FLT3: variants seen among roughly 807,000 people sequenced by gnomAD.
FLT3 encodes the protein receptor-type tyrosine-protein kinase FLT3.
A neutral mutation model predicts 126.6 loss-of-function variants in FLT3; 46 were observed. That is an observed-to-expected ratio of 0.36 (90% CI 0.29 to 0.46). The LOEUF (loss-of-function observed/expected upper bound fraction) is 0.46. Ranked by LOEUF, FLT3 falls within the 20% of genes least tolerant of loss-of-function variation. The pLI is 1.00. For synonymous variants in FLT3, 404 were observed against 434.4 expected (o/e 0.93, Z 0.87); for missense variants, 1,069 against 1,190.3 (o/e 0.90, Z 1.50).
intron 4 of FLT3, among the ~76,000 whole-genome samples, chr13:28,054,945 G>C (rs1286286064): frequency 1.3e-5 from 2 of 152,014 alleles, no homozygotes; most frequent in African/African-American, 2.4e-5. Flanking sequence ...CATTTTGTTC[G>C]TTTTTCTTAT....
chr13:28,010,473 A>G (rs1257979595), intron 23 of FLT3, among the ~76,000 whole-genome samples: 1 of 152,236 alleles, frequency 6.6e-6, no homozygotes, highest in Non-Finnish European at 1.5e-5. Flanking sequence ...TGCAGAGCAC[A>G]GAATATTTGA....
intron 19 of FLT3, among the ~76,000 whole-genome samples, chr13:28,020,883 A>G (rs577730636): frequency 6.6e-6 from 1 of 152,276 alleles, no homozygotes; most frequent in African/African-American, 2.4e-5. Flanking sequence ...GGACAGTGAC[A>G]CGCATGATTC....
At chr13:28,059,958 CAATAAATAAATAAATA>C (rs10523017) in intron 3 of FLT3, among the ~76,000 whole-genome samples, 137,866 of 148,174 alleles carry the variant, frequency 0.93, 64,299 homozygotes, top group Non-Finnish European at 0.96. Context: ...GACTCTGCCT[CAATAAATAAATAAATA>C]AATAAATAAA....
chr13:28,054,352 C>T (rs191758245), intron 4 of FLT3, among the ~76,000 whole-genome samples: 37 of 151,956 alleles, frequency 2.4e-4, no homozygotes, highest in African/African-American at 8.0e-4. Context: ...AATTGGGAGT[C>T]CATTAGGCTG....
At chr13:28,025,952 T>C (rs1472297496) in intron 17 of FLT3, among the ~76,000 whole-genome samples, 1 of 152,038 alleles carries the variant, frequency 6.6e-6, no homozygotes, top group Non-Finnish European at 1.5e-5. Flanking sequence ...AAGCCGGGAC[T>C]CTCAAATGTA....
chr13:28,004,235 G>T, intron 23 of FLT3, 61 bp from the exon 24 acceptor site: 1 of 1,516,850 alleles, frequency 6.6e-7, no homozygotes, highest in Non-Finnish European at 9.1e-7. Context: ...CATGTTATGC[G>T]CCCATATTAC....
intron 18 of FLT3, 130 bp from the exon 19 acceptor site, chr13:28,023,607 C>A: frequency 1.0e-6 from 1 of 988,138 alleles, no homozygotes; most frequent in Non-Finnish European, 1.5e-6. Flanking sequence ...ATTATCTTCC[C>A]GGCAGCATTA....
rs1327768681 is a variant in FLT3 at position 28,014,512 on chromosome 13, C to T, written c.2799G>A (p.Arg933=). The change falls in exon 23 of 24, where the codon CGG becomes CGA. Residue 933 remains arginine (R), a synonymous_variant. Coordinates refer to ENST00000241453, the MANE Select transcript of FLT3 (RefSeq NM_004119.3). ...QSCWAFDSRK[R]PSFPNLTSFL... ...ACGAAGTCAAATTAGGGAAGGATGG[C>T]CGTTTCCTTGAGTCAAAAGCCCAGC... is the stretch of plus-strand genomic sequence containing the variant. The T allele has an allele frequency of 5.6e-6, 9 of 1,614,034 alleles. No homozygotes were observed. Among genetic ancestry groups the T allele is most frequent in the African/African-American group, 1.3e-5 (1 of 75,030 alleles).
intron 1 of FLT3, among the ~76,000 whole-genome samples, chr13:28,080,124 C>T (rs1176770274): frequency 3.3e-5 from 5 of 152,206 alleles, no homozygotes; most frequent in Admixed American, 6.5e-5. Context: ...GCCTGTAATC[C>T]CAGCACTTTG....
intron 15 of FLT3, among the ~76,000 whole-genome samples, chr13:28,028,766 T>TTC (rs1873045013): frequency 7.6e-6 from 1 of 132,330 alleles, no homozygotes; most frequent in Admixed American, 9.1e-5. Flanking sequence ...CCTTTTTCTT[T>TTC]TTTTTTTTTC....
At chr13:28,058,600 A>G (rs148763439) in intron 3 of FLT3, among the ~76,000 whole-genome samples, 1 of 152,350 alleles carries the variant, frequency 6.6e-6, no homozygotes, top group East Asian at 1.9e-4. Flanking sequence ...TCTTTCTCTA[A>G]CAGTGTTAGC....
intron 23 of FLT3, among the ~76,000 whole-genome samples, chr13:28,011,656 T>TGTCCTTCCTTCCTTCCTTCC (rs1871373514): frequency 7.2e-6 from 1 of 139,368 alleles, no homozygotes; most frequent in African/African-American, 2.7e-5. Context: ...GAGGGGGGCA[T>TGTCCTTCCTTCCTTCCTTCC]TTCCTTCCTT....
rs112419015 is a variant in FLT3, at chr13:28,092,398, G to A, written c.43+8070C>T. The stretch of plus-strand genomic sequence containing the variant: ...GACTGTTTTTTTTAGATAGGGTCTC[G>A]CTCTACCACCCAGGCTGGAGTGCAG... On this transcript the variant is annotated intron_variant, in intron 1 of 23. Transcript: ENST00000241453. 7.9e-3 allele frequency among the ~76,000 whole-genome samples: 1,192 copies of A among 151,810 alleles called. 17 individuals carry two copies. Among genetic ancestry groups the A allele is most frequent in the African/African-American group, 0.027 (1,137 of 41,400 alleles).
chr13:28,024,795 T>C (rs1872665192), intron 18 of FLT3, 66 bp downstream of exon 18: 2 of 1,100,178 alleles, frequency 1.8e-6, no homozygotes, highest in Admixed American at 2.3e-5. Flanking sequence ...TTTTAAAAAA[T>C]AGCTAACATA....
Position 28,088,292 on chromosome 13 carries a change from C to CT in FLT3, c.43+12175dup, listed in dbSNP as rs869111412. 9.4e-3 allele frequency among the ~76,000 whole-genome samples: 1,355 copies of CT among 144,730 alleles called. 7 individuals are homozygous for CT. Among genetic ancestry groups the CT allele is most frequent in the East Asian group, 0.02 (101 of 5,020 alleles). 94.9% of individuals were successfully genotyped at this position (144,730 alleles called of 152,430 possible). The stretch of plus-strand genomic sequence containing the variant: ...AAACTTTTGCTCCTCAGAAAACATT[C>CT]TTTTTTTTTTTTTAAGACGGAGTCT... On this transcript the variant is annotated intron_variant, in intron 1 of 23. Transcript: ENST00000241453.
At chr13:28,032,042 T>A (rs61944700) in intron 15 of FLT3, among the ~76,000 whole-genome samples, 25,153 of 152,002 alleles carry the variant, frequency 0.17, 2,273 homozygotes, top group Admixed American at 0.23. Flanking sequence ...GGAAACCTGA[T>A]AGGATTAGCT....
intron 1 of FLT3, among the ~76,000 whole-genome samples, chr13:28,088,274 T>C (rs1483421563): frequency 6.6e-6 from 1 of 152,146 alleles, no homozygotes; most frequent in Non-Finnish European, 1.5e-5. Context: ...GAAAAACTTT[T>C]GCTCCTCAGA....
chr13:28,048,168 A>C, intron 9 of FLT3, 107 bp downstream of exon 9: 1 of 807,556 alleles, frequency 1.2e-6, no homozygotes, highest in Non-Finnish European at 2.0e-6. Flanking sequence ...TAATAGTTAA[A>C]CTCATAAGTG....
intron 15 of FLT3, among the ~76,000 whole-genome samples, chr13:28,031,108 G>T (rs1295644125): frequency 6.6e-6 from 1 of 151,794 alleles, no homozygotes; most frequent in African/African-American, 2.4e-5. Flanking sequence ...GGTGCCTGTA[G>T]TCCCAGCTGC....
Sources: gnomAD v4.1 joint callset for allele counts (sites outside exome capture counted in the v4.1 genomes callset) on GRCh38, gnomAD v4.1.1 for gene constraint, MANE v1.5 for transcripts, NCBI Gene and HGNC (gene_info 2026-07-23, HGNC 2026-07-21) for gene names.